Variants in FRMD4A observed in about 807,000 individuals in gnomAD.
The protein encoded by FRMD4A is FERM domain-containing protein 4A.
In FRMD4A, 29 loss-of-function variants were observed where a neutral mutation model predicts 129.1. The ratio of observed to expected loss-of-function variants is 0.22; its 90% CI spans 0.17 to 0.31. The LOEUF is 0.31. Among genes scored for constraint, FRMD4A ranks in the 10% least tolerant of loss-of-function variants. The pLI, the probability that FRMD4A is intolerant of heterozygous loss-of-function variation, is 1.00. For missense variants in FRMD4A, 1,272 were observed against 1,375.8 expected, an observed-to-expected ratio of 0.92 and a Z score of 1.19; for synonymous variants, 634 against 571.6, an observed-to-expected ratio of 1.11 and a Z score of -1.56.
At chr10:13,680,562 C>G (rs1236296078) in intron 15 of FRMD4A, among the ~76,000 whole-genome samples, 2 of 151,162 alleles carry the variant, frequency 1.3e-5, no homozygotes, top group Non-Finnish European at 1.5e-5. Flanking sequence ...CTGTCTTCTA[C>G]TAAAAATACA....
Position 13,872,940 on chromosome 10 carries a change from C to T in FRMD4A, c.46-14028G>A, listed in dbSNP as rs777433366. Among the ~76,000 whole-genome samples the T allele has an allele frequency of 4.0e-5, 6 of 151,898 alleles. No homozygotes were observed. In the East Asian group the frequency reaches 5.8e-4, roughly 15 times the overall value. ...CAGTGACTCACAGCACTTTGGGAGG[C>T]GGAGGGGGGCAGATCAGCTGAGGCC... On this transcript the variant is annotated intron_variant, in intron 2 of 24. Transcript: ENST00000357447.
At chr10:13,713,794 ATG>A (rs1306832618) in intron 12 of FRMD4A, among the ~76,000 whole-genome samples, 2 of 133,808 alleles carry the variant, frequency 1.5e-5, no homozygotes, top group African/African-American at 5.6e-5. Context: ...ATATACATAT[ATG>A]TAATATATAT....
intron 12 of FRMD4A, among the ~76,000 whole-genome samples, chr10:13,726,014 G>T (rs1328596902): frequency 6.6e-6 from 1 of 152,246 alleles, no homozygotes; most frequent in African/African-American, 2.4e-5. Context: ...TAAACTGGAA[G>T]TGAGTTAGTG....
At chr10:13,889,712 G>C (rs1345171861) in intron 2 of FRMD4A, among the ~76,000 whole-genome samples, 3 of 152,180 alleles carry the variant, frequency 2.0e-5, no homozygotes, top group Non-Finnish European at 2.9e-5. Flanking sequence ...GAGATTTTCT[G>C]ATCCTTATTC....
At chr10:14,218,160 A>G (rs1197780520) in intron 2 of FRMD4A, among the ~76,000 whole-genome samples, 2 of 152,126 alleles carry the variant, frequency 1.3e-5, no homozygotes, top group East Asian at 3.9e-4. Context: ...TGCAATCTAT[A>G]TCCAGACACT....
At chr10:13,693,432 C>T (rs552517690) in intron 15 of FRMD4A, 12 of 864,396 alleles carry the variant, frequency 1.4e-5, no homozygotes, top group Middle Eastern at 5.1e-4. Context: ...TCATGCCCTG[C>T]GACACGATGG....
chr10:13,878,776 G>C (rs2094515602), intron 2 of FRMD4A, among the ~76,000 whole-genome samples: 1 of 135,662 alleles, frequency 7.4e-6, no homozygotes, highest in Non-Finnish European at 1.5e-5. Context: ...AAAAGAAAGA[G>C]AGAGAGAGAG....
intron 6 of FRMD4A, among the ~76,000 whole-genome samples, chr10:13,776,360 C>G (rs1350662395): frequency 6.6e-6 from 1 of 152,208 alleles, no homozygotes; most frequent in East Asian, 1.9e-4. Flanking sequence ...ATCCTCCCAC[C>G]TCAGCCTCCC....
Position 13,782,448 on chromosome 10 carries a change from C to CT in FRMD4A, c.384+473dup, listed in dbSNP as rs66527369. ...ATTATTATTATTATTATTATTATTCCTTTTTTTTTTTTTTGAGATGGAGTC... is the reference window on the plus strand; with the variant it reads ...ATTATTATTATTATTATTATTATTCCTTTTTTTTTTTTTTTGAGATGGAGTC... On this transcript the variant is annotated intron_variant, in intron 6 of 24. Coordinates refer to ENST00000357447, the MANE Select transcript of FRMD4A (RefSeq NM_018027.5). Among the ~76,000 whole-genome samples, 768 of 136,054 alleles carry CT rather than the reference C, an allele frequency of 5.6e-3. 11 individuals carry two copies. Among genetic ancestry groups the CT allele is most frequent in the African/African-American group, 0.017 (630 of 37,562 alleles). The allele number at this position is 136,054 out of a possible 152,430, so 89.3% of individuals were successfully genotyped here.
At chr10:13,960,722 T>C (rs901693061) in intron 2 of FRMD4A, among the ~76,000 whole-genome samples, 2 of 152,190 alleles carry the variant, frequency 1.3e-5, no homozygotes, top group African/African-American at 4.8e-5. Flanking sequence ...CTACCTGCAC[T>C]TCCCAGTCTG....
At position 13,646,938 on chromosome 10, in the gene FRMD4A, C is replaced by G. The variant is rs532781466; in HGVS notation, c.*100G>C. The G allele has an allele frequency of 9.3e-6, 9 of 966,690 alleles. No homozygotes were observed. In the African/African-American group the frequency reaches 1.4e-4, roughly 15 times the overall value. 59.9% of individuals were successfully genotyped at this position (966,690 alleles called of 1,614,324 possible). ...TCAGATTAGGCCGGGCTGGCTCACA[C>G]GAGGGTCCCGGGCTTGGCTTTTTCC... On this transcript the variant is annotated 3_prime_UTR_variant, in exon 25 of 25. Coordinates refer to ENST00000357447, the MANE Select transcript of FRMD4A (RefSeq NM_018027.5).
chr10:13,973,776 AGGGTG>A (rs2095530222), intron 2 of FRMD4A, among the ~76,000 whole-genome samples: 1 of 118,212 alleles, frequency 8.5e-6, no homozygotes, highest in African/African-American at 6.0e-5. Flanking sequence ...GCAGGGAGGG[AGGGTG>A]AAAGGGAGGG....
chr10:14,272,206 A>C (rs901415359), intron 2 of FRMD4A, among the ~76,000 whole-genome samples: 1 of 152,176 alleles, frequency 6.6e-6, no homozygotes, highest in African/African-American at 2.4e-5. Context: ...CCATTAGGAA[A>C]GCATAGTTGC....
chr10:13,962,669 G>C (rs1199449049), intron 2 of FRMD4A, among the ~76,000 whole-genome samples: 1 of 152,110 alleles, frequency 6.6e-6, no homozygotes, highest in Admixed American at 6.5e-5. Flanking sequence ...TACTATTCCT[G>C]AGCTCCATCT....
At chr10:14,293,297 C>A (rs538051723) in intron 2 of FRMD4A, among the ~76,000 whole-genome samples, 69 of 152,244 alleles carry the variant, frequency 4.5e-4, no homozygotes, top group Admixed American at 7.8e-4. Flanking sequence ...TGCCCTTCCA[C>A]CTTCCACCAC....
At chr10:13,735,796 T>C (rs773691929) in intron 12 of FRMD4A, among the ~76,000 whole-genome samples, 1 of 152,192 alleles carries the variant, frequency 6.6e-6, no homozygotes, top group Admixed American at 6.5e-5. Context: ...GCCAGAATTT[T>C]GTTAAAGGCT....
At chr10:13,775,916 C>T (rs1395630089) in intron 6 of FRMD4A, among the ~76,000 whole-genome samples, 2 of 152,124 alleles carry the variant, frequency 1.3e-5, no homozygotes, top group African/African-American at 4.8e-5. Flanking sequence ...GAAAGCAAGG[C>T]AAGTATTCCC....
chr10:13,758,821 GCAAAAA>G (rs927493022), intron 8 of FRMD4A, among the ~76,000 whole-genome samples: 2 of 152,040 alleles, frequency 1.3e-5, no homozygotes, highest in Non-Finnish European at 2.9e-5. Flanking sequence ...TGCATCAATA[GCAAAAA>G]CAACTTTCTA....
chr10:14,070,169 C>T (rs1263360241), intron 2 of FRMD4A, among the ~76,000 whole-genome samples: 9 of 152,160 alleles, frequency 5.9e-5, no homozygotes, highest in Non-Finnish European at 8.8e-5. Context: ...TCTCTGAGTG[C>T]TATGACATGC....
Sources: allele counts gnomAD v4.1 joint callset (sites outside exome capture counted in the v4.1 genomes callset), GRCh38; gene constraint gnomAD v4.1.1; transcripts MANE v1.5; gene names NCBI Gene and HGNC (gene_info 2026-07-23, HGNC 2026-07-21).